The following SHROOM4 variants were observed in gnomAD, a reference collection of about 807,000 sequenced individuals.
The protein encoded by SHROOM4 is shroom family member 4.
A neutral mutation model predicts 80.3 loss-of-function variants in SHROOM4; 17 were observed. The ratio of observed to expected loss-of-function variants is 0.21; its 90% CI spans 0.14 to 0.32. The LOEUF (loss-of-function observed/expected upper bound fraction) is 0.32, where lower values mean the gene tolerates loss of function less well. SHROOM4 is among the 10% of genes least tolerant of loss of function. SHROOM4 has a pLI of 1.00. For synonymous variants in SHROOM4, 400 were observed against 437.5 expected (o/e 0.91, Z 1.07); for missense variants, 993 against 1,140.3 (o/e 0.87, Z 1.86).
At chrX:50,755,542 C>T (rs182636463) in intron 1 of SHROOM4, among the ~76,000 whole-genome samples, 5 of 112,044 alleles carry the variant, frequency 4.5e-5, no homozygotes, top group South Asian at 7.5e-4. Flanking sequence ...ACATAAGACA[C>T]GACAAGTATC....
At chrX:50,733,477 T>C (rs1934415682) in intron 1 of SHROOM4, among the ~76,000 whole-genome samples, 2 of 111,888 alleles carry the variant, frequency 1.8e-5, no homozygotes, top group Admixed American at 1.9e-4. Flanking sequence ...CATCCAACTC[T>C]TGCTGTCTCT....
At chrX:50,726,997 G>A (rs1356991455) in intron 1 of SHROOM4, among the ~76,000 whole-genome samples, 1 of 113,167 alleles carries the variant, frequency 8.8e-6, no homozygotes, top group Non-Finnish European at 1.9e-5. Flanking sequence ...AGCCATGGGG[G>A]CTGTACCCTA....
At chrX:50,667,684 A>T (rs1366132719) in intron 2 of SHROOM4, among the ~76,000 whole-genome samples, 1 of 112,229 alleles carries the variant, frequency 8.9e-6, no homozygotes, top group African/African-American at 3.2e-5. Flanking sequence ...AGTAAAAAAA[A>T]TCTAGTTAGA....
At chrX:50,631,221 C>G (rs1340713888) in intron 4 of SHROOM4, among the ~76,000 whole-genome samples, 1 of 111,209 alleles carries the variant, frequency 9.0e-6, no homozygotes, top group Admixed American at 9.6e-5. Flanking sequence ...CCTGGCAATG[C>G]TAGGCTTCTA....
chrX:50,625,087 G>A (rs1930742096), intron 5 of SHROOM4, among the ~76,000 whole-genome samples: 1 of 111,243 alleles, frequency 9.0e-6, no homozygotes, highest in East Asian at 2.8e-4. Flanking sequence ...ACATCTCGTG[G>A]GGAAAACAGT....
At chrX:50,601,335 G>C (rs1044542408) in intron 7 of SHROOM4, among the ~76,000 whole-genome samples, 3 of 112,133 alleles carry the variant, frequency 2.7e-5, no homozygotes, top group African/African-American at 9.7e-5. Flanking sequence ...GAGTACCCCT[G>C]CTCGGGGAAC....
At chrX:50,781,117 T>A (rs1260987730) in intron 1 of SHROOM4, among the ~76,000 whole-genome samples, 1 of 111,288 alleles carries the variant, frequency 9.0e-6, no homozygotes, top group African/African-American at 3.3e-5. Context: ...CTCTGCCTTA[T>A]TTTTTTCCTA....
chrX:50,617,538 G>C (rs782788277), intron 5 of SHROOM4, among the ~76,000 whole-genome samples: 2 of 111,547 alleles, frequency 1.8e-5, no homozygotes, highest in Non-Finnish European at 3.8e-5. Context: ...GGCAAGTTTA[G>C]GGTTAAGAGC....
intron 1 of SHROOM4, among the ~76,000 whole-genome samples, chrX:50,812,253 G>A (rs1936348166): frequency 9.7e-6 from 1 of 102,917 alleles, no homozygotes; most frequent in South Asian, 4.8e-4. Flanking sequence ...GAGAGGAGGA[G>A]CTTGATTAGA....
intron 2 of SHROOM4, among the ~76,000 whole-genome samples, chrX:50,650,132 T>C (rs1342238302): frequency 8.9e-6 from 1 of 112,205 alleles, no homozygotes; most frequent in Non-Finnish European, 1.9e-5. Context: ...AAATTGTATA[T>C]AAACCTGAAC....
intron 1 of SHROOM4, among the ~76,000 whole-genome samples, chrX:50,738,586 C>T (rs1440495768): frequency 9.0e-6 from 1 of 110,960 alleles, no homozygotes; most frequent in Non-Finnish European, 1.9e-5. Context: ...ACAATTGCTT[C>T]AAAGAGAATA....
intron 2 of SHROOM4, among the ~76,000 whole-genome samples, chrX:50,650,594 G>A (rs1382981425): frequency 9.2e-6 from 1 of 109,095 alleles, no homozygotes; most frequent in African/African-American, 3.4e-5. Flanking sequence ...TCCTGACCTC[G>A]TGATCCGCCC....
intron 1 of SHROOM4, among the ~76,000 whole-genome samples, chrX:50,718,130 G>A (rs183888922): frequency 1.1e-3 from 122 of 111,578 alleles, no homozygotes; most frequent in Middle Eastern, 4.6e-3. Flanking sequence ...TTGGCTTTGG[G>A]GCTACATTGG....
At chrX:50,792,860 T>A (rs1328926185) in intron 1 of SHROOM4, among the ~76,000 whole-genome samples, 3 of 104,250 alleles carry the variant, frequency 2.9e-5, no homozygotes, top group Non-Finnish European at 5.9e-5. Context: ...TGGGTAGGAA[T>A]GTAAAATGGT....
intron 2 of SHROOM4, among the ~76,000 whole-genome samples, chrX:50,680,953 C>T (rs1352192080): frequency 3.6e-5 from 4 of 111,031 alleles, no homozygotes; most frequent in Non-Finnish European, 3.8e-5. Flanking sequence ...GTAAATGGTA[C>T]CACCCAGTTA....
intron 2 of SHROOM4, among the ~76,000 whole-genome samples, chrX:50,662,505 A>C (rs1336704831): frequency 9.0e-6 from 1 of 111,251 alleles, no homozygotes; most frequent in Non-Finnish European, 1.9e-5. Flanking sequence ...CATCTCAAAA[A>C]AAAAAAAGTG....
intron 2 of SHROOM4, among the ~76,000 whole-genome samples, chrX:50,650,465 C>G (rs1236947870): frequency 4.5e-5 from 5 of 111,244 alleles, no homozygotes; most frequent in African/African-American, 1.6e-4. Context: ...ATGGCCCTGC[C>G]TCAGCCTCCC....
intron 2 of SHROOM4, among the ~76,000 whole-genome samples, chrX:50,645,869 C>T (rs145982732): frequency 5.6e-4 from 62 of 111,506 alleles, no homozygotes; most frequent in East Asian, 2.6e-3. Context: ...AGCAGAAAAG[C>T]CAGAAGCTGG....
At chrX:50,799,797 C>A (rs1381887438) in intron 1 of SHROOM4, among the ~76,000 whole-genome samples, 5 of 111,781 alleles carry the variant, frequency 4.5e-5, no homozygotes, top group Non-Finnish European at 7.5e-5. Flanking sequence ...CACACTACAC[C>A]CACCTTAAAC....
Sources: gnomAD v4.1 joint callset for allele counts (sites outside exome capture counted in the v4.1 genomes callset) on GRCh38, gnomAD v4.1.1 for gene constraint, MANE v1.5 for transcripts, NCBI Gene and HGNC (gene_info 2026-07-23, HGNC 2026-07-21) for gene names.